Variants in PACRGL observed in about 807,000 individuals in gnomAD.
PACRGL encodes the protein parkin coregulated like, also known as PACRG-like protein.
In PACRGL, 38 loss-of-function variants were observed where a neutral mutation model predicts 34.5. The ratio of observed to expected loss-of-function variants is 1.10; its 90% CI spans 0.85 to 1.44. The LOEUF is 1.44. PACRGL is among the 40% of genes most tolerant of loss of function. The pLI, the probability that PACRGL is intolerant of heterozygous loss-of-function variation, is 0.00. For missense variants in PACRGL, 305 were observed against 281.4 expected, an observed-to-expected ratio of 1.08 and a Z score of -0.60; for synonymous variants, 128 against 100.1, an observed-to-expected ratio of 1.28 and a Z score of -1.66.
chr4:20,715,500 A>G (rs180793696), intron 7 of PACRGL, among the ~76,000 whole-genome samples: 114 of 152,266 alleles, frequency 7.5e-4, no homozygotes, highest in Non-Finnish European at 7.4e-5. Context: ...TTCATAAAAC[A>G]TTTTACTAAT....
In PACRGL at chr4:20,712,859, A is replaced by T; in HGVS notation, c.438A>T (p.Lys146Asn). The change falls in exon 6 of 9, where the codon AAA (lysine) becomes AAT (asparagine). Residue 146 changes from lysine to asparagine, a missense_variant. Transcript: ENST00000503585. ...GTTTTAGAGAATTACTTTTGGTCAA[A>T]GGTGCTCCTGAAAAAGCTATTCCTT... ...KEGFRELLLV[K>N]GAPEKAIPLL... is the part of the protein sequence containing the mutation. The T allele has an allele frequency of 1.9e-6, 3 of 1,605,964 alleles. No individual in the cohort carries two copies. The highest frequency in any genetic ancestry group is 1.3e-5 in the African/African-American group (1 of 74,914).
intron 1 of PACRGL, chr4:20,702,142 T>TTGTTA (rs1560281448): frequency 2.2e-6 from 1 of 456,492 alleles, no homozygotes. Context: ...CCCCATTAGT[T>TTGTTA]TGTTACAGGA....
At position 20,730,938 on chromosome 4, in the gene PACRGL, A is replaced by ATTCT. The variant is rs1747975861; in HGVS notation, c.*3598_*3601dup. Among the ~76,000 whole-genome samples the ATTCT allele has an allele frequency of 6.6e-6, 1 of 152,216 alleles. No homozygotes were observed. Among genetic ancestry groups the ATTCT allele is most frequent in the Non-Finnish European group, 1.5e-5 (1 of 68,046 alleles). On this transcript the variant is annotated 3_prime_UTR_variant, in exon 9 of 9. Transcript: ENST00000503585. ...CAAGCAGCTTAATGTCACCAAATTA[A>ATTCT]TTCTCTCAAAGACCACTGCATGGAA... is the stretch of plus-strand genomic sequence containing the variant.
At chr4:20,762,747 A>AT in the PACRGL span, among the ~76,000 whole-genome samples, 2 of 152,138 alleles carry the variant, frequency 1.3e-5, no homozygotes, top group East Asian at 1.9e-4. Context: ...TGGATTTTAG[A>AT]TTTTTTGGGA....
Position 20,704,513 on chromosome 4 carries a change from A to G in PACRGL, c.32A>G (p.Gln11Arg), listed in dbSNP as rs992037143. The G allele has an allele frequency of 1.2e-6, 2 of 1,614,052 alleles. No individual in the cohort carries two copies. Among genetic ancestry groups the G allele is most frequent in the African/African-American group, 2.7e-5 (2 of 75,028 alleles). Reference protein sequence around the residue: MQKSEGSGGTQLKNRATGNYD... With the variant: MQKSEGSGGTRLKNRATGNYD... ...AAATCAGAGGGCTCTGGAGGTACAC[A>G]GTTGAAAAACAGAGCAACAGGTACA... The change falls in exon 2 of 9, where the codon CAG (glutamine) becomes CGG (arginine). Residue 11 changes from glutamine (Q) to arginine (R), a missense_variant. Coordinates refer to ENST00000503585, the MANE Select transcript of PACRGL (RefSeq NM_001258345.3).
At chr4:20,758,911 G>C in the PACRGL span, 1 of 1,600,328 alleles carries the variant, frequency 6.2e-7, no homozygotes, top group Non-Finnish European at 8.6e-7. Flanking sequence ...TGGCAGAGAA[G>C]CAATATGAGC....
At chr4:20,710,597 C>T (rs778642948) in intron 5 of PACRGL, among the ~76,000 whole-genome samples, 28 of 152,088 alleles carry the variant, frequency 1.8e-4, no homozygotes, top group Non-Finnish European at 3.8e-4. Flanking sequence ...ACTCTATAAA[C>T]ATGGCAGTGC....
chr4:20,732,378 C>T lies in PACRGL; in HGVS notation c.*5037C>T, dbSNP rs560965763. On this transcript the variant is annotated 3_prime_UTR_variant, in exon 9 of 9. Transcript: ENST00000503585. The stretch of plus-strand genomic sequence containing the variant: ...AACTTTCAGAGCTTGCTTTTTGTCT[C>T]ATCTGTAAAATGAGATTAATGAGGA... Among the ~76,000 whole-genome samples the T allele has an allele frequency of 6.6e-6, 1 of 152,264 alleles. No individual in the cohort carries two copies. Among genetic ancestry groups the T allele is most frequent in the South Asian group, 2.1e-4 (1 of 4,822 alleles).
Position 20,727,433 on chromosome 4 carries a change from C to T in PACRGL, c.*92C>T. On this transcript the variant is annotated 3_prime_UTR_variant, in exon 9 of 9. Coordinates refer to ENST00000503585, the MANE Select transcript of PACRGL (RefSeq NM_001258345.3). The stretch of plus-strand genomic sequence containing the variant: ...ATTTATTTTATTCTTTTGTAAATCA[C>T]AGCCACCATTCATTATTTACTAGGT... The T allele has an allele frequency of 6.6e-6, 7 of 1,053,102 alleles. No homozygotes were observed. In the South Asian group the frequency reaches 1.0e-4, roughly 15 times the overall value. The allele number at this position is 1,053,102 out of a possible 1,614,324, so 65.2% of individuals were successfully genotyped here. A position where few individuals can be genotyped will look rare whatever the true frequency, so the allele number is the denominator to read the frequency against.
chr4:20,736,113 G>A (rs893590335), downstream of PACRGL, among the ~76,000 whole-genome samples: 27 of 151,952 alleles, frequency 1.8e-4, no homozygotes, highest in Admixed American at 1.6e-3. Context: ...TCCCTTCCTG[G>A]ACCCAGCCAC....
At chr4:20,761,952 A>G in the PACRGL span, among the ~76,000 whole-genome samples, 3 of 152,164 alleles carry the variant, frequency 2.0e-5, no homozygotes, top group Non-Finnish European at 4.4e-5. Context: ...TCTTCTAGGA[A>G]CTGGGACTGC....
intron 8 of PACRGL, among the ~76,000 whole-genome samples, chr4:20,751,265 T>A (rs1753568647): frequency 6.6e-6 from 1 of 152,220 alleles, no homozygotes; most frequent in Admixed American, 6.5e-5. Context: ...CTAAATAACA[T>A]GTAACACTGT....
At chr4:20,719,787 T>G (rs1428078564) in intron 7 of PACRGL, among the ~76,000 whole-genome samples, 1 of 151,916 alleles carries the variant, frequency 6.6e-6, no homozygotes, top group Non-Finnish European at 1.5e-5. Context: ...GATGTGGTGC[T>G]GAGAAGAATG....
intron 8 of PACRGL, among the ~76,000 whole-genome samples, chr4:20,725,388 C>T (rs985023352): frequency 6.6e-6 from 1 of 152,018 alleles, no homozygotes; most frequent in Non-Finnish European, 1.5e-5. Flanking sequence ...GACACATATG[C>T]ACACACAGTG....
At chr4:20,763,754 TCTCA>T in the PACRGL span, among the ~76,000 whole-genome samples, 1 of 152,178 alleles carries the variant, frequency 6.6e-6, no homozygotes, top group Admixed American at 6.6e-5. Flanking sequence ...AAAGATGGGA[TCTCA>T]CTATGTTGCC....
chr4:20,701,771 C>T (rs919835466), intron 1 of PACRGL: 11 of 445,256 alleles, frequency 2.5e-5, no homozygotes, highest in Admixed American at 2.4e-4. Context: ...CTTTCAGATA[C>T]CCAAATCCAC....
At chr4:20,699,544 G>GA (rs1265820782), upstream of PACRGL, among the ~76,000 whole-genome samples, 5 of 152,222 alleles carry the variant, frequency 3.3e-5, no homozygotes, top group African/African-American at 1.2e-4. Flanking sequence ...ACAATCTAAT[G>GA]AAGATGCTTC....
the PACRGL span, among the ~76,000 whole-genome samples, chr4:20,766,258 G>A: frequency 1.3e-5 from 2 of 152,130 alleles, no homozygotes; most frequent in Admixed American, 6.6e-5. Flanking sequence ...ACAGAATCAG[G>A]AAACTTGAGA....
chr4:20,702,246 T>C (rs1732507242), intron 1 of PACRGL: 2 of 456,066 alleles, frequency 4.4e-6, no homozygotes, highest in Non-Finnish European at 8.8e-6. Context: ...AAAATGTGCA[T>C]CATAATTTGA....
Sources: allele counts gnomAD v4.1 joint callset (sites outside exome capture counted in the v4.1 genomes callset), GRCh38; gene constraint gnomAD v4.1.1; transcripts MANE v1.5; gene names NCBI Gene and HGNC (gene_info 2026-07-23, HGNC 2026-07-21).